IGF1R: variants seen among roughly 807,000 people sequenced by gnomAD.
IGF1R encodes insulin-like growth factor 1 receptor.
Under a neutral mutation model 144.6 loss-of-function variants are expected in IGF1R, and 44 were observed. The ratio of observed to expected loss-of-function variants is 0.30; its 90% confidence interval spans 0.24 to 0.39. IGF1R has a LOEUF of 0.39. Among genes scored for constraint, IGF1R ranks in the 10% least tolerant of loss-of-function variants. The pLI, the probability that IGF1R is intolerant of heterozygous loss-of-function variation, is 1.00. For synonymous variants in IGF1R, 795 were observed against 722.8 expected (o/e 1.10, Z -1.60); for missense variants, 1,355 against 1,833.7 (o/e 0.74, Z 4.77).
At chr15:98,777,673 T>A (rs55878805) in intron 2 of IGF1R, among the ~76,000 whole-genome samples, 1,893 of 152,236 alleles carry the variant, frequency 0.012, 41 homozygotes, top group African/African-American at 0.043. Context: ...GCCCCATACC[T>A]TGGTGGGCAA....
chr15:98,753,380 C>CTTTTTTTTTTTTTTTT (rs1173073572), intron 2 of IGF1R, among the ~76,000 whole-genome samples: 46 of 60,296 alleles, frequency 7.6e-4, no homozygotes, highest in South Asian at 1.6e-3. Context: ...CCATACCTGG[C>CTTTTTTTTTTTTTTTT]TTTTTTTTTT....
rs1409560290 is a variant in IGF1R at position 98,649,162 on chromosome 15, C to A, written c.-420C>A. ...GTCGCGCCCTCCCGCGGCGGAAGCT[C>A]GGGCGTCCGGCCGCCTCCCGCGCGG... On this transcript the variant is annotated 5_prime_UTR_variant, in exon 1 of 21. Coordinates refer to ENST00000650285, the MANE Select transcript of IGF1R (RefSeq NM_000875.5). The A allele has an allele frequency of 4.1e-5, 9 of 219,324 alleles. No individual in the cohort carries two copies. The highest frequency in any genetic ancestry group is 6.4e-5 in the Non-Finnish European group (7 of 109,374). The allele number at this position is 219,324 out of a possible 1,614,324, so 13.6% of individuals were successfully genotyped here.
At chr15:98,738,665 G>T (rs1301962620) in intron 2 of IGF1R, among the ~76,000 whole-genome samples, 4 of 152,104 alleles carry the variant, frequency 2.6e-5, no homozygotes, top group African/African-American at 4.8e-5. Flanking sequence ...CTCATTTTCA[G>T]GTGAATTTCT....
chr15:98,652,977 T>C (rs956524218), intron 1 of IGF1R, among the ~76,000 whole-genome samples: 7 of 151,664 alleles, frequency 4.6e-5, no homozygotes, highest in African/African-American at 1.7e-4. Context: ...TGAAAATAAC[T>C]TGTTATGCTA....
intron 5 of IGF1R, among the ~76,000 whole-genome samples, chr15:98,901,624 G>A (rs1425550524): frequency 2.0e-5 from 3 of 152,222 alleles, no homozygotes; most frequent in African/African-American, 7.2e-5. Context: ...GAGAAGGACA[G>A]GATACGATAG....
At position 98,958,474 on chromosome 15, in the gene IGF1R, TG is replaced by T. The variant is rs571119243; in HGVS notation, c.*1033del. Reference sequence around the variant, plus strand: ...TCCAGGGACTCAGCCCCACTGTTGATGCAGGTTTGCAAGGAAAGAAATTCAA... The same window carrying T: ...TCCAGGGACTCAGCCCCACTGTTGATCAGGTTTGCAAGGAAAGAAATTCAA... On this transcript the variant is annotated 3_prime_UTR_variant, in exon 21 of 21. Transcript: ENST00000650285. 3.5e-3 allele frequency: 806 copies of T among 229,880 alleles called. 8 individuals are homozygous for T. Among genetic ancestry groups the T allele is most frequent in the African/African-American group, 0.017 (764 of 45,218 alleles). 14.2% of individuals were successfully genotyped at this position (229,880 alleles called of 1,614,324 possible). A position where few individuals can be genotyped will look rare whatever the true frequency, so the allele number is the denominator to read the frequency against.
chr15:98,939,420 G>T (rs2016283127), intron 18 of IGF1R, 60 bp downstream of exon 18: 1 of 1,545,106 alleles, frequency 6.5e-7, no homozygotes, highest in Admixed American at 1.7e-5. Flanking sequence ...TGAGGACTTT[G>T]TTGGCATTAG....
In IGF1R at chr15:98,738,331, C is replaced by T. The variant is rs527631448; in HGVS notation, c.640+30224C>T. The stretch of plus-strand genomic sequence containing the variant: ...GACTGTTGGTGTCAGGCACACACCA[C>T]CTTGCCTAGCTTGAAGATCTTTCTT... On this transcript the variant is annotated intron_variant, in intron 2 of 20. Transcript: ENST00000650285. Among the ~76,000 whole-genome samples the T allele has an allele frequency of 1.1e-4, 17 of 152,294 alleles. No homozygotes were observed. In the South Asian group the frequency reaches 3.3e-3, roughly 30 times the overall value.
chr15:98,782,470 A>G (rs1596300897), intron 2 of IGF1R, among the ~76,000 whole-genome samples: 1 of 152,182 alleles, frequency 6.6e-6, no homozygotes, highest in Non-Finnish European at 1.5e-5. Flanking sequence ...TTATATATGC[A>G]TATGTTCTAC....
intron 13 of IGF1R, among the ~76,000 whole-genome samples, chr15:98,925,929 C>A (rs1229894413): frequency 1.3e-5 from 2 of 151,968 alleles, no homozygotes; most frequent in African/African-American, 4.8e-5. Flanking sequence ...AAACAAAAAA[C>A]AGCGCACTCA....
At position 98,957,468 on chromosome 15, in the gene IGF1R, C is replaced by G. The variant is rs1596494406; in HGVS notation, c.*26C>G. On this transcript the variant is annotated 3_prime_UTR_variant, in exon 21 of 21. Transcript: ENST00000650285. ...TCCTTGGATCCTGAATCTGTGCAAA[C>G]AGTAACGTGTGCGCACGCGCAGCGG... 3.7e-6 allele frequency: 6 copies of G among 1,612,448 alleles called. No individual in the cohort carries two copies. In the South Asian group the frequency reaches 6.6e-5, roughly 18 times the overall value.
rs538962947 is a variant in IGF1R at position 98,649,431 on chromosome 15, C to T, written c.-151C>T. On this transcript the variant is annotated 5_prime_UTR_variant, in exon 1 of 21. Coordinates refer to ENST00000650285, the MANE Select transcript of IGF1R (RefSeq NM_000875.5). ...CGGAGGGCCCCGGCGGCGCCGCCTTCGGAGTATTGTTTCCTTCGCCCTTGT... is the reference window on the plus strand; with the variant it reads ...CGGAGGGCCCCGGCGGCGCCGCCTTTGGAGTATTGTTTCCTTCGCCCTTGT... The T allele has an allele frequency of 1.0e-4, 50 of 500,482 alleles. No homozygotes were observed. The South Asian group carries it at 1.7e-3, about 17-fold the overall frequency. The allele number at this position is 500,482 out of a possible 1,614,324, so 31.0% of individuals were successfully genotyped here. A position where few individuals can be genotyped will look rare whatever the true frequency, so the allele number is the denominator to read the frequency against.
chr15:98,795,976 A>G (rs2056232531), intron 2 of IGF1R, among the ~76,000 whole-genome samples: 1 of 152,332 alleles, frequency 6.6e-6, no homozygotes, highest in Admixed American at 6.5e-5. Context: ...AAACATCAAC[A>G]ATACAGCCAT....
rs911168420 is a variant in IGF1R, at chr15:98,674,612, A to G, written c.94+24937A>G. On this transcript the variant is annotated intron_variant, in intron 1 of 20. Coordinates refer to ENST00000650285, the MANE Select transcript of IGF1R (RefSeq NM_000875.5). ...ACAGCGAACCTTTGATTAGGGACAC[A>G]TTTGCCTGCCGCCAGACACTACAAG... Among the ~76,000 whole-genome samples, 5 of 152,314 alleles carry G rather than the reference A, an allele frequency of 3.3e-5. No individual in the cohort carries two copies. In the East Asian group the frequency reaches 9.6e-4, roughly 29 times the overall value.
intron 17 of IGF1R, among the ~76,000 whole-genome samples, chr15:98,937,695 A>C (rs2016207651): frequency 6.6e-6 from 1 of 152,238 alleles, no homozygotes. Flanking sequence ...GCAGTGTAAC[A>C]CCATGAACTG....
chr15:98,703,233 G>C (rs759707945), intron 1 of IGF1R, among the ~76,000 whole-genome samples: 3 of 152,104 alleles, frequency 2.0e-5, no homozygotes, highest in Non-Finnish European at 4.4e-5. Context: ...AATATCGGTT[G>C]CTTTGAGAAG....
intron 2 of IGF1R, among the ~76,000 whole-genome samples, chr15:98,830,503 C>T (rs1182417543): frequency 3.3e-5 from 5 of 152,040 alleles, no homozygotes; most frequent in African/African-American, 1.2e-4. Context: ...CATAGGAATA[C>T]CCAAGACTGG....
intron 1 of IGF1R, among the ~76,000 whole-genome samples, chr15:98,654,059 T>C (rs979036516): frequency 1.6e-4 from 24 of 152,220 alleles, no homozygotes; most frequent in Admixed American, 1.6e-3. Context: ...TTTTTCAGAC[T>C]CAGTATAGGG....
intron 2 of IGF1R, among the ~76,000 whole-genome samples, chr15:98,750,386 A>G (rs2054980487): frequency 6.6e-6 from 1 of 152,218 alleles, no homozygotes; most frequent in East Asian, 1.9e-4. Flanking sequence ...TATCTAGTCC[A>G]GCTTCTCGTC....
Sources: gnomAD v4.1 joint callset for allele counts (sites outside exome capture counted in the v4.1 genomes callset) on GRCh38, gnomAD v4.1.1 for gene constraint, MANE v1.5 for transcripts, NCBI Gene and HGNC (gene_info 2026-07-23, HGNC 2026-07-21) for gene names.